NMT2: variants seen among roughly 807,000 people sequenced by gnomAD.
The protein encoded by NMT2 is N-myristoyltransferase 2.
A neutral mutation model predicts 65.4 loss-of-function variants in NMT2; 35 were observed. That is an observed-to-expected ratio of 0.54 (90% CI 0.41 to 0.71). The LOEUF (loss-of-function observed/expected upper bound fraction) is 0.71. Among genes scored for constraint, NMT2 ranks in the 30% least tolerant of loss-of-function variants. NMT2 has a pLI of 0.00. For missense variants in NMT2, 489 were observed against 611.3 expected (o/e 0.80, Z 2.11); for synonymous variants, 226 against 231.8 (o/e 0.98, Z 0.23).
intron 2 of NMT2, among the ~76,000 whole-genome samples, chr10:15,139,499 G>A (rs897922275): frequency 2.0e-5 from 3 of 152,100 alleles, no homozygotes; most frequent in Admixed American, 6.6e-5. Context: ...AGATGTCCAC[G>A]CTGCAGGTCA....
intron 3 of NMT2, among the ~76,000 whole-genome samples, chr10:15,134,118 AC>A (rs1846386653): frequency 6.6e-6 from 1 of 152,012 alleles, no homozygotes; most frequent in African/African-American, 2.4e-5. Context: ...TCCCAGCAAA[AC>A]CTAAAAATAA....
intron 8 of NMT2, among the ~76,000 whole-genome samples, chr10:15,125,944 T>C (rs7911386): frequency 0.31 from 47,521 of 151,034 alleles, 9,316 homozygotes; most frequent in African/African-American, 0.57. Flanking sequence ...GGATTACAGG[T>C]GTGAGCCACC....
At chr10:15,134,993 A>G (rs1846424781) in intron 3 of NMT2, among the ~76,000 whole-genome samples, 1 of 152,154 alleles carries the variant, frequency 6.6e-6, no homozygotes, top group South Asian at 2.1e-4. Context: ...CTCAAAAATA[A>G]TAATAATACT....
intron 10 of NMT2, chr10:15,111,724 G>T (rs949107911): frequency 2.0e-5 from 3 of 151,568 alleles, no homozygotes; most frequent in Non-Finnish European, 4.4e-5. Flanking sequence ...GCCATATTTG[G>T]GAAGTGTTGA....
chr10:15,113,374 G>A (rs1845631521), intron 9 of NMT2, among the ~76,000 whole-genome samples: 1 of 149,270 alleles, frequency 6.7e-6, no homozygotes, highest in South Asian at 2.1e-4. Flanking sequence ...GGAGGCTGAG[G>A]CTGGAGAATC....
At chr10:15,157,175 A>C (rs1833031389) in intron 1 of NMT2, among the ~76,000 whole-genome samples, 1 of 152,158 alleles carries the variant, frequency 6.6e-6, no homozygotes, top group Non-Finnish European at 1.5e-5. Flanking sequence ...GGAAATAAAG[A>C]AGTCCCTATT....
intron 10 of NMT2, chr10:15,111,591 T>C (rs1011174044): frequency 6.6e-6 from 1 of 151,822 alleles, no homozygotes; most frequent in Non-Finnish European, 1.5e-5. Context: ...TATGTAAAAT[T>C]TTAATGGTAA....
chr10:15,124,981 G>A (rs762752201), intron 8 of NMT2, among the ~76,000 whole-genome samples: 4 of 152,124 alleles, frequency 2.6e-5, no homozygotes, highest in African/African-American at 7.2e-5. Flanking sequence ...CAGTGGGGCT[G>A]AGCCATGGTG....
intron 6 of NMT2, among the ~76,000 whole-genome samples, chr10:15,130,620 C>T (rs964163177): frequency 2.8e-5 from 4 of 142,496 alleles, no homozygotes; most frequent in Non-Finnish European, 6.0e-5. Flanking sequence ...GGAAGGATCA[C>T]TTGAGCCTGA....
rs757287628 is a variant in NMT2, at chr10:15,106,017, TA to T, written c.*3177del. On this transcript the variant is annotated 3_prime_UTR_variant, in exon 12 of 12. Coordinates refer to ENST00000378165, the MANE Select transcript of NMT2 (RefSeq NM_004808.3). ...GCAGTTATTTATTTTACTTTCGAGA[TA>T]GAGTCTCACTCTGTTGCCCAGGCTG... 1 of 417,156 alleles carries T rather than the reference TA, an allele frequency of 2.4e-6. No individual in the cohort carries two copies. Among genetic ancestry groups the T allele is most frequent in the South Asian group, 1.7e-5 (1 of 59,838 alleles). 25.8% of individuals were successfully genotyped at this position (417,156 alleles called of 1,614,324 possible).
chr10:15,163,493 T>C (rs138713968), intron 1 of NMT2, among the ~76,000 whole-genome samples: 1 of 152,348 alleles, frequency 6.6e-6, no homozygotes, highest in East Asian at 1.9e-4. Flanking sequence ...TTTCAAACAG[T>C]AGTTCTTGAT....
Position 15,106,676 on chromosome 10 carries a change from A to G in NMT2, c.*2519T>C, listed in dbSNP as rs1845313550. On this transcript the variant is annotated 3_prime_UTR_variant, in exon 12 of 12. Transcript: ENST00000378165. ...GAAAGGAGAGTTCCAACTCCTTCGT[A>G]GTGACCAAGGTCAACAAACTTTCTG... The G allele has an allele frequency of 2.0e-6, 2 of 985,034 alleles. No individual in the cohort carries two copies. The highest frequency in any genetic ancestry group is 2.4e-6 in the Non-Finnish European group (2 of 829,532). 61.0% of individuals were successfully genotyped at this position (985,034 alleles called of 1,614,324 possible). A position where few individuals can be genotyped will look rare whatever the true frequency, so the allele number is the denominator to read the frequency against.
intron 1 of NMT2, among the ~76,000 whole-genome samples, chr10:15,145,856 G>A (rs1588440867): frequency 6.6e-6 from 1 of 152,302 alleles, no homozygotes; most frequent in East Asian, 1.9e-4. Flanking sequence ...CAGGACTCCA[G>A]GTACTCTGGA....
At chr10:15,114,452 CA>C (rs1370226982) in intron 9 of NMT2, among the ~76,000 whole-genome samples, 1 of 151,978 alleles carries the variant, frequency 6.6e-6, no homozygotes, top group African/African-American at 2.4e-5. Flanking sequence ...AAAAACAAAA[CA>C]AAACAAAACA....
chr10:15,119,342 C>T lies in NMT2; in HGVS notation c.1170+1G>A. 1 of 1,613,908 alleles carries T rather than the reference C, an allele frequency of 6.2e-7. No homozygotes were observed. The highest frequency in any genetic ancestry group is 8.5e-7 in the Non-Finnish European group (1 of 1,179,892). Reference sequence around the variant, plus strand: ...CTTTATGTTTATCACCTTGTCTTTACCTCCACTACAAACGTGTCAATAATG... The same window carrying T: ...CTTTATGTTTATCACCTTGTCTTTATCTCCACTACAAACGTGTCAATAATG... On this transcript the variant is annotated splice_donor_variant, in intron 9 of 11. Coordinates refer to ENST00000378165, the MANE Select transcript of NMT2 (RefSeq NM_004808.3). LOFTEE classifies it high-confidence loss of function.
At chr10:15,146,905 C>G (rs900585539) in intron 1 of NMT2, among the ~76,000 whole-genome samples, 2 of 151,752 alleles carry the variant, frequency 1.3e-5, no homozygotes, top group Admixed American at 1.3e-4. Context: ...CCAGGCTGAT[C>G]AACACAGAAA....
chr10:15,142,649 G>A (rs900068165), intron 1 of NMT2, among the ~76,000 whole-genome samples: 3 of 152,168 alleles, frequency 2.0e-5, no homozygotes, highest in Non-Finnish European at 4.4e-5. Flanking sequence ...GATACATTAA[G>A]ACTTTGTCAA....
At chr10:15,122,006 CA>C (rs1162680079) in intron 8 of NMT2, among the ~76,000 whole-genome samples, 1 of 152,124 alleles carries the variant, frequency 6.6e-6, no homozygotes, top group African/African-American at 2.4e-5. Flanking sequence ...TCCAGATCTC[CA>C]CTGGAAATAA....
chr10:15,107,160 G>A lies in NMT2; in HGVS notation c.*2035C>T, dbSNP rs1361334733. On this transcript the variant is annotated 3_prime_UTR_variant, in exon 12 of 12. Coordinates refer to ENST00000378165, the MANE Select transcript of NMT2 (RefSeq NM_004808.3). ...TATGTTCCAATAAAACCTTATTGAG[G>A]GACACCGGAATTTGAATTTTGTGTA... 1 of 175,946 alleles carries A rather than the reference G, an allele frequency of 5.7e-6. No individual in the cohort carries two copies. The highest frequency in any genetic ancestry group is 1.1e-5 in the Non-Finnish European group (1 of 90,462). The allele number at this position is 175,946 out of a possible 1,614,324, so 10.9% of individuals were successfully genotyped here.
Sources: allele counts gnomAD v4.1 joint callset (sites outside exome capture counted in the v4.1 genomes callset), GRCh38; gene constraint gnomAD v4.1.1; transcripts MANE v1.5; gene names NCBI Gene and HGNC (gene_info 2026-07-23, HGNC 2026-07-21).